Variants in DTNB observed in about 807,000 individuals in gnomAD.
The protein encoded by DTNB is dystrobrevin beta.
A neutral mutation model predicts 90.7 loss-of-function variants in DTNB; 63 were observed. That is an observed-to-expected ratio of 0.69 (90% CI 0.57 to 0.86). The LOEUF (loss-of-function observed/expected upper bound fraction) is 0.86, where lower values mean the gene tolerates loss of function less well. Among genes scored for constraint, DTNB ranks in the 40% least tolerant of loss-of-function variants. The pLI, the probability that DTNB is intolerant of heterozygous loss-of-function variation, is 0.00. For synonymous variants in DTNB, 277 were observed against 286.7 expected, an observed-to-expected ratio of 0.97 and a Z score of 0.34; for missense variants, 744 against 807.1, an observed-to-expected ratio of 0.92 and a Z score of 0.95.
intron 3 of DTNB, among the ~76,000 whole-genome samples, chr2:25,631,302 T>A (rs2075691713): frequency 6.6e-6 from 1 of 152,156 alleles, no homozygotes; most frequent in Non-Finnish European, 1.5e-5. Flanking sequence ...AAGAAAGATA[T>A]CAGAGGCTTG....
chr2:25,657,261 T>C (rs2148977654), intron 1 of DTNB, among the ~76,000 whole-genome samples: 1 of 150,634 alleles, frequency 6.6e-6, no homozygotes, highest in Admixed American at 6.7e-5. Flanking sequence ...ACCAAATGAA[T>C]GGGTTTGGAA....
chr2:25,642,878 T>C (rs1404264129), intron 2 of DTNB, among the ~76,000 whole-genome samples: 5 of 152,156 alleles, frequency 3.3e-5, no homozygotes, highest in African/African-American at 1.2e-4. Context: ...CTCAGCCTCC[T>C]GAGTAGCTGG....
intron 10 of DTNB, among the ~76,000 whole-genome samples, chr2:25,476,316 G>A (rs1402741878): frequency 1.3e-5 from 2 of 152,144 alleles, no homozygotes; most frequent in Non-Finnish European, 2.9e-5. Context: ...TGATCCACCT[G>A]CCTCGGCCTC....
chr2:25,491,902 GAA>G (rs1056516532), intron 9 of DTNB, among the ~76,000 whole-genome samples: 1 of 143,496 alleles, frequency 7.0e-6, no homozygotes, highest in Admixed American at 7.0e-5. Flanking sequence ...TTTACAGATG[GAA>G]AAAAAAAAAA....
rs111243099 is a variant in DTNB at position 25,542,855 on chromosome 2, T to C, written c.877-11258A>G. Among the ~76,000 whole-genome samples, 195 of 152,298 alleles carry C rather than the reference T, an allele frequency of 1.3e-3. 2 individuals are homozygous for C. In the South Asian group the frequency reaches 0.015, roughly 12 times the overall value. ...TTGATTTCCCAGAGAATACAGTCTATATGATATTATACTAATTCTTTTTTG... is the reference window on the plus strand; with the variant it reads ...TTGATTTCCCAGAGAATACAGTCTACATGATATTATACTAATTCTTTTTTG... On this transcript the variant is annotated intron_variant, in intron 8 of 20. Transcript: ENST00000406818.
intron 1 of DTNB, among the ~76,000 whole-genome samples, chr2:25,659,266 C>T (rs2082679777): frequency 6.6e-6 from 1 of 152,174 alleles, no homozygotes. Flanking sequence ...ATCTATGGAA[C>T]ACTCTACCAA....
intron 9 of DTNB, among the ~76,000 whole-genome samples, chr2:25,484,906 T>C (rs867438328): frequency 1.3e-5 from 2 of 152,252 alleles, no homozygotes; most frequent in East Asian, 1.9e-4. Flanking sequence ...TTAGGTTGAC[T>C]AATGATCGAA....
chr2:25,483,642 T>C (rs907218991), intron 9 of DTNB, among the ~76,000 whole-genome samples: 2 of 152,218 alleles, frequency 1.3e-5, no homozygotes, highest in Non-Finnish European at 2.9e-5. Flanking sequence ...CTTGTGAAAG[T>C]CCTGAAGGAA....
At chr2:25,462,924 C>T (rs895231856) in intron 10 of DTNB, among the ~76,000 whole-genome samples, 3 of 152,152 alleles carry the variant, frequency 2.0e-5, no homozygotes, top group Admixed American at 6.5e-5. Flanking sequence ...GGGATGGTCT[C>T]GATCTGCTGA....
At chr2:25,639,737 G>A (rs761052343) in intron 2 of DTNB, among the ~76,000 whole-genome samples, 6 of 152,172 alleles carry the variant, frequency 3.9e-5, no homozygotes, top group African/African-American at 7.2e-5. Flanking sequence ...ACGGCCTCGC[G>A]GCACAGAATG....
At chr2:25,571,411 A>G (rs1434876024) in intron 8 of DTNB, among the ~76,000 whole-genome samples, 1 of 152,176 alleles carries the variant, frequency 6.6e-6, no homozygotes, top group Admixed American at 6.5e-5. Flanking sequence ...AAGTCCTTAC[A>G]ATGGTCAATG....
chr2:25,495,427 G>C (rs1423753561), intron 9 of DTNB, among the ~76,000 whole-genome samples: 3 of 151,992 alleles, frequency 2.0e-5, no homozygotes, highest in Non-Finnish European at 4.4e-5. Context: ...ACCTATTCGT[G>C]GACCCTTAAG....
intron 6 of DTNB, among the ~76,000 whole-genome samples, chr2:25,589,647 C>T (rs558692093): frequency 6.2e-4 from 94 of 152,224 alleles, no homozygotes; most frequent in African/African-American, 2.1e-3. Flanking sequence ...GCTGGGATTA[C>T]AGGCGTGAGC....
intron 7 of DTNB, among the ~76,000 whole-genome samples, chr2:25,579,082 T>G (rs2061169490): frequency 6.6e-6 from 1 of 152,020 alleles, no homozygotes; most frequent in Non-Finnish European, 1.5e-5. Context: ...CACAAAAAAA[T>G]GTTGATATGC....
At chr2:25,465,849 TTATTA>T (rs1393012752) in intron 10 of DTNB, among the ~76,000 whole-genome samples, 2 of 152,202 alleles carry the variant, frequency 1.3e-5, no homozygotes, top group Non-Finnish European at 2.9e-5. Context: ...CCACTATTCT[TTATTA>T]TATTATAAAA....
At chr2:25,587,070 G>A (rs529073865) in intron 6 of DTNB, among the ~76,000 whole-genome samples, 37 of 152,166 alleles carry the variant, frequency 2.4e-4, no homozygotes, top group Non-Finnish European at 5.1e-4. Flanking sequence ...GGTATGCTAA[G>A]GGTAGGAACA....
At position 25,469,863 on chromosome 2, in the gene DTNB, C is replaced by T. The variant is rs374915240; in HGVS notation, c.1079+12933G>A. On this transcript the variant is annotated intron_variant, in intron 10 of 20. Coordinates refer to ENST00000406818, the MANE Select transcript of DTNB (RefSeq NM_021907.5). Reference sequence around the variant, plus strand: ...AAATGACTACCTGCAGTGTAAAAAGCAGACCAGAGTGAGGCAAAAGAGAAG... The same window carrying T: ...AAATGACTACCTGCAGTGTAAAAAGTAGACCAGAGTGAGGCAAAAGAGAAG... Among the ~76,000 whole-genome samples the T allele has an allele frequency of 1.2e-3, 180 of 152,270 alleles. 1 individual carries two copies. In the South Asian group the frequency reaches 0.02, roughly 17 times the overall value.
At chr2:25,542,426 ATCT>A (rs1187483852) in intron 8 of DTNB, among the ~76,000 whole-genome samples, 4 of 152,174 alleles carry the variant, frequency 2.6e-5, no homozygotes, top group Admixed American at 2.6e-4. Context: ...GTTTTCTACT[ATCT>A]TCTTCATGTT....
chr2:25,615,644 C>A (rs1377458216), intron 4 of DTNB, among the ~76,000 whole-genome samples: 1 of 152,160 alleles, frequency 6.6e-6, no homozygotes, highest in Non-Finnish European at 1.5e-5. Flanking sequence ...AGCGATCAAA[C>A]GTTAGAACAA....
Sources: allele counts gnomAD v4.1 joint callset (sites outside exome capture counted in the v4.1 genomes callset), GRCh38; gene constraint gnomAD v4.1.1; transcripts MANE v1.5; gene names NCBI Gene and HGNC (gene_info 2026-07-23, HGNC 2026-07-21).